The following SREK1IP1 variants were observed in gnomAD, a reference collection of about 807,000 sequenced individuals.
SREK1IP1 encodes SREK1 interacting protein 1.
SREK1IP1 carries 12 observed loss-of-function variants against 22.8 expected under a neutral mutation model. The ratio of observed to expected loss-of-function variants is 0.53; its 90% CI spans 0.34 to 0.85. The LOEUF (loss-of-function observed/expected upper bound fraction) is 0.85. Ranked by LOEUF, SREK1IP1 falls within the 40% of genes least tolerant of loss-of-function variation. SREK1IP1 has a pLI of 0.02. For synonymous variants in SREK1IP1, 53 were observed against 52.7 expected (o/e 1.01, Z -0.02); for missense variants, 147 against 171.8 (o/e 0.86, Z 0.81).
At chr5:64,725,861 CT>C (rs547845420) in intron 4 of SREK1IP1, among the ~76,000 whole-genome samples, 6,832 of 111,970 alleles carry the variant, frequency 0.061, 574 homozygotes, top group African/African-American at 0.22. Flanking sequence ...TTGTTTGTTT[CT>C]TTTTTTTTTT....
At chr5:64,761,922 A>T (rs1387197233) in intron 1 of SREK1IP1, among the ~76,000 whole-genome samples, 1 of 152,270 alleles carries the variant, frequency 6.6e-6, no homozygotes, top group East Asian at 1.9e-4. Flanking sequence ...AGAAACAGAA[A>T]ATATTGAGAA....
chr5:64,759,908 T>C (rs937974270), intron 1 of SREK1IP1, among the ~76,000 whole-genome samples: 2 of 152,198 alleles, frequency 1.3e-5, no homozygotes, highest in African/African-American at 2.4e-5. Context: ...CTATCTCTTA[T>C]GGAAAGCAGG....
At chr5:64,743,055 C>T (rs894422814) in intron 2 of SREK1IP1, among the ~76,000 whole-genome samples, 3 of 151,992 alleles carry the variant, frequency 2.0e-5, no homozygotes, top group African/African-American at 7.2e-5. Context: ...GATATTAGTT[C>T]TTTGGTATTT....
intron 2 of SREK1IP1, among the ~76,000 whole-genome samples, chr5:64,742,933 G>A (rs1184441599): frequency 6.6e-6 from 1 of 152,088 alleles, no homozygotes; most frequent in African/African-American, 2.4e-5. Flanking sequence ...CCTAACAAAT[G>A]AATCATTCAG....
Position 64,768,671 on chromosome 5 carries a change from G to T in SREK1IP1, c.-154C>A. 2.0e-6 allele frequency: 2 copies of T among 979,764 alleles called. No individual in the cohort carries two copies. The highest frequency in any genetic ancestry group is 3.1e-6 in the Non-Finnish European group (2 of 640,126). The allele number at this position is 979,764 out of a possible 1,614,324, so 60.7% of individuals were successfully genotyped here. ...GTCGGGAAGGGCCTGTACGCCTCTA[G>T]CGACGGCAGAACCAGTAGATGCGGA... On this transcript the variant is annotated 5_prime_UTR_variant, in exon 1 of 5. Transcript: ENST00000513458.
At chr5:64,764,491 G>A (rs1276123325) in intron 1 of SREK1IP1, among the ~76,000 whole-genome samples, 1 of 152,194 alleles carries the variant, frequency 6.6e-6, no homozygotes, top group South Asian at 2.1e-4. Context: ...ATTTTTGCAG[G>A]ATTGTAGAAT....
intron 2 of SREK1IP1, 61 bp downstream of exon 2, chr5:64,754,254 C>T (rs1409570472): frequency 2.0e-6 from 3 of 1,528,378 alleles, no homozygotes; most frequent in African/African-American, 2.7e-5. Flanking sequence ...ATTATATTGC[C>T]CAAAGAGGCC....
rs375303259 is a variant in SREK1IP1, at chr5:64,758,064, G to C, written c.14-3702C>G. ...ATTTTTTGTATTTTTTTTTAGTACA[G>C]ATGGGGTTTCACCATGTTAGCCAGG... On this transcript the variant is annotated intron_variant, in intron 1 of 4. Coordinates refer to ENST00000513458, the MANE Select transcript of SREK1IP1 (RefSeq NM_173829.4). Among the ~76,000 whole-genome samples, 37 of 151,736 alleles carry C rather than the reference G, an allele frequency of 2.4e-4. No individual in the cohort carries two copies. In the East Asian group the frequency reaches 4.7e-3, roughly 19 times the overall value.
intron 2 of SREK1IP1, among the ~76,000 whole-genome samples, chr5:64,741,887 A>G (rs1431741217): frequency 2.0e-5 from 3 of 152,038 alleles, no homozygotes; most frequent in African/African-American, 2.4e-5. Context: ...CTCACTTTCA[A>G]TTCATTTAAG....
At chr5:64,753,689 T>C (rs1477739761) in intron 2 of SREK1IP1, among the ~76,000 whole-genome samples, 1 of 152,244 alleles carries the variant, frequency 6.6e-6, no homozygotes, top group Non-Finnish European at 1.5e-5. Context: ...TCACACGGTC[T>C]GCAAACAACT....
chr5:64,720,073 C>T lies in SREK1IP1; in HGVS notation c.*4311G>A, dbSNP rs1339299917. On this transcript the variant is annotated 3_prime_UTR_variant, in exon 5 of 5. Coordinates refer to ENST00000513458, the MANE Select transcript of SREK1IP1 (RefSeq NM_173829.4). ...AAGCAGTTGTGCTTCACAGGTTAAG[C>T]CAAATTTTAAAAGCAAGGGGCCTTA... 6.6e-6 allele frequency: 1 copy of T among 152,078 alleles called. No individual in the cohort carries two copies. Among genetic ancestry groups the T allele is most frequent in the Non-Finnish European group, 1.5e-5 (1 of 68,010 alleles). 9.4% of individuals were successfully genotyped at this position (152,078 alleles called of 1,614,324 possible).
At chr5:64,766,105 G>A (rs2112120951) in intron 1 of SREK1IP1, among the ~76,000 whole-genome samples, 1 of 152,342 alleles carries the variant, frequency 6.6e-6, no homozygotes, top group East Asian at 1.9e-4. Context: ...TAAGCAGAGT[G>A]CTCCACTCCC....
intron 2 of SREK1IP1, among the ~76,000 whole-genome samples, chr5:64,743,403 C>A (rs991360962): frequency 6.6e-6 from 1 of 152,154 alleles, no homozygotes; most frequent in African/African-American, 2.4e-5. Context: ...AATTTCCACA[C>A]AAAGATGAAA....
intron 1 of SREK1IP1, among the ~76,000 whole-genome samples, chr5:64,767,026 G>C (rs1018728910): frequency 3.4e-4 from 52 of 152,114 alleles, no homozygotes; most frequent in Non-Finnish European, 5.4e-4. Context: ...ATAAATATTA[G>C]TCAATATTAG....
chr5:64,740,442 G>T (rs943390511), intron 3 of SREK1IP1, among the ~76,000 whole-genome samples: 1 of 152,096 alleles, frequency 6.6e-6, no homozygotes, highest in Non-Finnish European at 1.5e-5. Flanking sequence ...TATGTTTCAT[G>T]ACCAAATCAA....
chr5:64,751,959 A>G (rs1433851077), intron 2 of SREK1IP1, among the ~76,000 whole-genome samples: 1 of 152,112 alleles, frequency 6.6e-6, no homozygotes, highest in Non-Finnish European at 1.5e-5. Context: ...CACTGGGTCT[A>G]CTATACTAAT....
chr5:64,739,324 C>G (rs1483491487), intron 3 of SREK1IP1, among the ~76,000 whole-genome samples: 1 of 152,052 alleles, frequency 6.6e-6, no homozygotes, highest in East Asian at 1.9e-4. Context: ...TCTAAAGAAC[C>G]TATGTTTTAC....
intron 3 of SREK1IP1, among the ~76,000 whole-genome samples, chr5:64,737,218 T>C (rs541262063): frequency 9.2e-5 from 14 of 151,882 alleles, no homozygotes; most frequent in South Asian, 6.2e-4. Flanking sequence ...TTTAAGAAGA[T>C]TGGAATCATA....
At chr5:64,750,736 A>G (rs1176482390) in intron 2 of SREK1IP1, among the ~76,000 whole-genome samples, 3 of 152,054 alleles carry the variant, frequency 2.0e-5, no homozygotes, top group Non-Finnish European at 4.4e-5. Context: ...ACTTTCTATC[A>G]CCACCTGAAA....
Sources: allele counts gnomAD v4.1 joint callset (sites outside exome capture counted in the v4.1 genomes callset), GRCh38; gene constraint gnomAD v4.1.1; transcripts MANE v1.5; gene names NCBI Gene and HGNC (gene_info 2026-07-23, HGNC 2026-07-21).